The following MLPH variants were observed in gnomAD, a reference collection of about 807,000 sequenced individuals.
MLPH encodes the protein exophilin-3.
MLPH carries 51 observed loss-of-function variants against 72.1 expected under a neutral mutation model. The observed-to-expected ratio is 0.71, with a 90% CI of 0.56 to 0.89. The LOEUF (loss-of-function observed/expected upper bound fraction) is 0.89. MLPH is among the 40% of genes least tolerant of loss of function. The pLI, the probability that MLPH is intolerant of heterozygous loss-of-function variation, is 0.00. For missense variants in MLPH, 743 were observed against 759.9 expected, an observed-to-expected ratio of 0.98 and a Z score of 0.26; for synonymous variants, 301 against 310.1, an observed-to-expected ratio of 0.97 and a Z score of 0.31.
chr2:237,507,051 CTTTTTTTTTTCT>C (rs1192616028), intron 2 of MLPH, among the ~76,000 whole-genome samples: 2 of 119,382 alleles, frequency 1.7e-5, no homozygotes, highest in Non-Finnish European at 3.6e-5. Context: ...TTTCCTTTTT[CTTTTTTTTTTCT>C]TTTTTTTTTT....
intron 14 of MLPH, chr2:237,551,977 C>CAAA (rs1164035810): frequency 1.5e-4 from 24 of 159,702 alleles, no homozygotes; most frequent in South Asian, 4.1e-4. Context: ...GACTTTGTCT[C>CAAA]AAAAAAAAAA....
intron 2 of MLPH, among the ~76,000 whole-genome samples, chr2:237,494,526 A>G (rs2079495908): frequency 1.3e-5 from 2 of 152,120 alleles, no homozygotes; most frequent in African/African-American, 4.8e-5. Flanking sequence ...TCTGTTTCAC[A>G]GCGGTGGGCT....
chr2:237,523,825 T>G (rs867209961), intron 6 of MLPH, among the ~76,000 whole-genome samples: 60 of 152,262 alleles, frequency 3.9e-4, no homozygotes, highest in African/African-American at 1.4e-3. Context: ...TCCTACTAGA[T>G]TACTGATAGC....
chr2:237,551,654 C>A (rs1220264445), intron 14 of MLPH, among the ~76,000 whole-genome samples: 1 of 152,206 alleles, frequency 6.6e-6, no homozygotes, highest in Non-Finnish European at 1.5e-5. Context: ...GCATCTGAGA[C>A]CCCTTGGGCT....
In MLPH at chr2:237,542,682, TG is replaced by T; in HGVS notation, c.1539+25del. The T allele has an allele frequency of 2.4e-6, 3 of 1,274,338 alleles. No homozygotes were observed. The South Asian group carries it at 3.8e-5, about 16-fold the overall frequency. The allele number at this position is 1,274,338 out of a possible 1,614,324, so 78.9% of individuals were successfully genotyped here. A position where few individuals can be genotyped will look rare whatever the true frequency, so the allele number is the denominator to read the frequency against. ...CCGGTGAGTGGGGGGCAGTGGTGAGTGGAGACAGTGCTGAGTGGGGGGGCAG... is the reference window on the plus strand; with the variant it reads ...CCGGTGAGTGGGGGGCAGTGGTGAGTGAGACAGTGCTGAGTGGGGGGGCAG... On this transcript the variant is annotated intron_variant, in intron 12 of 15. Transcript: ENST00000264605.
intron 8 of MLPH, among the ~76,000 whole-genome samples, chr2:237,529,986 G>A (rs900483439): frequency 9.9e-5 from 15 of 152,238 alleles, no homozygotes; most frequent in Non-Finnish European, 2.1e-4. Flanking sequence ...CAGCGAGGAC[G>A]CAGGTGGTGC....
intron 8 of MLPH, among the ~76,000 whole-genome samples, chr2:237,530,441 GT>G (rs1353566715): frequency 7.9e-5 from 12 of 152,232 alleles, no homozygotes; most frequent in Non-Finnish European, 1.5e-4. Flanking sequence ...AATCATAGGG[GT>G]TTGGGTTCTA....
intron 15 of MLPH, 54 bp downstream of exon 15, chr2:237,552,491 A>G (rs938438041): frequency 6.3e-6 from 9 of 1,435,958 alleles, no homozygotes; most frequent in Admixed American, 1.7e-5. Flanking sequence ...GACCCGTCAG[A>G]TTTATGTATT....
At position 237,505,123 on chromosome 2, in the gene MLPH, C is replaced by T. The variant is rs150658875; in HGVS notation, c.111-5451C>T. Among the ~76,000 whole-genome samples the T allele has an allele frequency of 1.3e-5, 2 of 152,302 alleles. No homozygotes were observed. The highest frequency in any genetic ancestry group is 1.9e-4 in the East Asian group (1 of 5,172). On this transcript the variant is annotated intron_variant, in intron 2 of 15. Coordinates refer to ENST00000264605, the MANE Select transcript of MLPH (RefSeq NM_024101.7). This position sits in a 1 kb window ranked among gnomAD's most constrained non-coding sequence, Gnocchi z 4.5. The stretch of plus-strand genomic sequence containing the variant: ...TTGGGAGAAAGGCTCATGACCCTCC[C>T]GGTGGCCAGGTTGATGGGGTCTGGA...
chr2:237,496,192 G>A (rs1445203726), intron 2 of MLPH, among the ~76,000 whole-genome samples: 1 of 152,140 alleles, frequency 6.6e-6, no homozygotes, highest in East Asian at 1.9e-4. Flanking sequence ...ATTTCAAATG[G>A]CAACTTGTAA....
chr2:237,493,403 G>A lies in MLPH; in HGVS notation c.-24G>A, dbSNP rs1482957910. 1 of 1,587,020 alleles carries A rather than the reference G, an allele frequency of 6.3e-7. No individual in the cohort carries two copies. The highest frequency in any genetic ancestry group is 8.7e-7 in the Non-Finnish European group (1 of 1,155,576). ...GACTTGTGATCCTGTGACATTCCAGGTGTGACCCCGACAAGAAGCAGAAAT... is the reference window on the plus strand; with the variant it reads ...GACTTGTGATCCTGTGACATTCCAGATGTGACCCCGACAAGAAGCAGAAAT... On this transcript the variant is annotated splice_region_variant and 5_prime_UTR_variant, in exon 2 of 16. The change creates a new upstream start codon in the 5' untranslated region. Coordinates refer to ENST00000264605, the MANE Select transcript of MLPH (RefSeq NM_024101.7).
intron 8 of MLPH, among the ~76,000 whole-genome samples, chr2:237,530,666 CT>C (rs1215839797): frequency 6.6e-6 from 1 of 152,242 alleles, no homozygotes; most frequent in Admixed American, 6.5e-5. Flanking sequence ...ATGAAAGGCC[CT>C]GACAAGGCCT....
rs2080322274 is a variant in MLPH at position 237,527,196 on chromosome 2, C to A, written c.881-181C>A. On this transcript the variant is annotated intron_variant, in intron 7 of 15. Coordinates refer to ENST00000264605, the MANE Select transcript of MLPH (RefSeq NM_024101.7). ...CAAGGTCCTCTTTTTTCCTGAAGATCTTTGTGTGTGGCTGTGGAATCTGCC... is the reference window on the plus strand; with the variant it reads ...CAAGGTCCTCTTTTTTCCTGAAGATATTTGTGTGTGGCTGTGGAATCTGCC... 1.5e-5 allele frequency: 11 copies of A among 735,074 alleles called. No individual in the cohort carries two copies. The South Asian group carries it at 1.7e-4, about 12-fold the overall frequency. The allele number at this position is 735,074 out of a possible 1,614,324, so 45.5% of individuals were successfully genotyped here.
chr2:237,552,507 TAA>T, intron 15 of MLPH, 70 bp downstream of exon 15: 2 of 1,340,244 alleles, frequency 1.5e-6, no homozygotes, highest in Non-Finnish European at 2.1e-6. Context: ...GTATTAAAAT[TAA>T]GTCTTCAGAG....
At chr2:237,545,762 C>T in intron 12 of MLPH, 4 of 781,476 alleles carry the variant, frequency 5.1e-6, no homozygotes, top group Non-Finnish European at 6.8e-6. Context: ...CAGATAGGGT[C>T]ATGACGGAAA....
chr2:237,488,572 G>A lies in MLPH; in HGVS notation c.-25+1135G>A, dbSNP rs74440269. Among the ~76,000 whole-genome samples, 34 of 152,300 alleles carry A rather than the reference G, an allele frequency of 2.2e-4. No individual in the cohort carries two copies. In the East Asian group the frequency reaches 4.1e-3, roughly 18 times the overall value. ...CCTTAGTATCTAAGTACCAGGCATG[G>A]GTCACTGTGCTCCTGGCCCTCACTC... On this transcript the variant is annotated intron_variant, in intron 1 of 15. Transcript: ENST00000264605.
intron 4 of MLPH, among the ~76,000 whole-genome samples, chr2:237,513,478 A>G (rs897679312): frequency 4.6e-5 from 7 of 152,014 alleles, no homozygotes; most frequent in African/African-American, 1.7e-4. Flanking sequence ...ATGTGGTTTT[A>G]TTTTTGTTTT....
intron 12 of MLPH, 37 bp from the exon 13 acceptor site, chr2:237,546,569 G>A (rs2080922316): frequency 1.3e-6 from 2 of 1,589,758 alleles, no homozygotes; most frequent in East Asian, 2.2e-5. Flanking sequence ...GTGGCTGGAG[G>A]TTCAACAATA....
chr2:237,527,516 G>A lies in MLPH; in HGVS notation c.1020G>A (p.Gln340=), dbSNP rs771555508. The A allele has an allele frequency of 6.2e-7, 1 of 1,614,134 alleles. No homozygotes were observed. Among genetic ancestry groups the A allele is most frequent in the South Asian group, 1.1e-5 (1 of 91,078 alleles). ...KRRGRASSES[Q]IFELNKHISA... ...GAGGCCGGGCGTCTTCTGAGAGTCA[G>A]GTAACGGTGGCTGGAAAGACTTCTG... The change falls in exon 8 of 16, where the codon CAG becomes CAA. Residue 340 remains glutamine (Q), a splice_region_variant and synonymous_variant. Transcript: ENST00000264605.
Sources: allele counts gnomAD v4.1 joint callset (sites outside exome capture counted in the v4.1 genomes callset), GRCh38; gene constraint gnomAD v4.1.1; non-coding constraint Gnocchi (gnomAD v3.1); transcripts MANE v1.5; gene names NCBI Gene and HGNC (gene_info 2026-07-23, HGNC 2026-07-21).